USP20: variants seen among roughly 807,000 people sequenced by gnomAD.
USP20 encodes the protein ubiquitin carboxyl-terminal hydrolase 20.
A neutral mutation model predicts 124.2 loss-of-function variants in USP20; 80 were observed. The observed-to-expected ratio is 0.64, with a 90% confidence interval of 0.54 to 0.78. The LOEUF is 0.78. USP20 is among the 30% of genes least tolerant of loss of function. The pLI is 0.00. For synonymous variants in USP20, 481 were observed against 512.3 expected, an observed-to-expected ratio of 0.94 and a Z score of 0.83; for missense variants, 1,043 against 1,244.4, an observed-to-expected ratio of 0.84 and a Z score of 2.44.
chr9:129,875,290 G>GC lies in USP20; in HGVS notation c.2049-15dup. 1 of 1,584,874 alleles carries GC rather than the reference G, an allele frequency of 6.3e-7. No individual in the cohort carries two copies. The highest frequency in any genetic ancestry group is 8.6e-7 in the Non-Finnish European group (1 of 1,163,496). ...TGGCAGCCGTCAGGCACAGCTTCTC[G>GC]CCCCCTCCTCACCCCACAGGAAGAG... is the stretch of plus-strand genomic sequence containing the variant. On this transcript the variant is annotated intron_variant, in intron 19 of 25. Coordinates refer to ENST00000372429, the MANE Select transcript of USP20 (RefSeq NM_001110303.4).
intron 6 of USP20, among the ~76,000 whole-genome samples, chr9:129,860,486 AT>A (rs1484793533): frequency 2.0e-5 from 3 of 152,176 alleles, no homozygotes; most frequent in Non-Finnish European, 4.4e-5. Flanking sequence ...GCAAGTCAAC[AT>A]CTGGACACAG....
chr9:129,861,820 C>T (rs896472959), intron 8 of USP20, among the ~76,000 whole-genome samples: 3 of 152,144 alleles, frequency 2.0e-5, no homozygotes, highest in African/African-American at 4.8e-5. Flanking sequence ...GGAAGTTGTA[C>T]GTGCAAGGAG....
In USP20 at chr9:129,880,509, A is replaced by G. The variant is rs896188243; in HGVS notation, c.*59A>G. The stretch of plus-strand genomic sequence containing the variant: ...CGCGGAAGGCGTGTTTGTGCCCAGA[A>G]GAGAGGCCGGGCTGCTGCAGAACCC... On this transcript the variant is annotated 3_prime_UTR_variant, in exon 26 of 26. Coordinates refer to ENST00000372429, the MANE Select transcript of USP20 (RefSeq NM_001110303.4). The G allele has an allele frequency of 8.2e-5, 47 of 576,050 alleles. No homozygotes were observed. Among genetic ancestry groups the G allele is most frequent in the Middle Eastern group, 9.6e-4 (2 of 2,088 alleles). The allele number at this position is 576,050 out of a possible 1,614,324, so 35.7% of individuals were successfully genotyped here.
rs769993002 is a variant in USP20 at position 129,870,473 on chromosome 9, C to G, written c.1586C>G (p.Pro529Arg). Residue 529 changes from proline (P) to arginine (R), a missense_variant, in exon 15 of 26, where the codon CCC becomes CGC. Transcript: ENST00000372429. Reference sequence around the variant, plus strand: ...TGTAGGTTTGTGGTATCCTGTACCCCCAGCTGGTTTTGGGGGCCTGTCGTC... The same window carrying G: ...TGTAGGTTTGTGGTATCCTGTACCCGCAGCTGGTTTTGGGGGCCTGTCGTC... ...YIRRFVVSCT[P>R]SWFWGPVVTL... The G allele has an allele frequency of 1.9e-6, 3 of 1,614,106 alleles. No individual in the cohort carries two copies. The highest frequency in any genetic ancestry group is 2.5e-6 in the Non-Finnish European group (3 of 1,180,004).
intron 10 of USP20, among the ~76,000 whole-genome samples, chr9:129,867,418 T>A (rs1429539314): frequency 1.3e-5 from 2 of 152,018 alleles, no homozygotes; most frequent in Non-Finnish European, 2.9e-5. Context: ...CATGACCAGG[T>A]CTGTGGGAAG....
chr9:129,871,309 T>TCCTTAGGGTTCATCCAC (rs1775210601), intron 15 of USP20, among the ~76,000 whole-genome samples: 4 of 138,628 alleles, frequency 2.9e-5, no homozygotes, highest in Admixed American at 7.8e-5. Flanking sequence ...GAGCATAACG[T>TCCTTAGGGTTCATCCAC]CCTTAGGGTT....
At chr9:129,850,218 CCTTTTTTTT>C (rs2131046696) in intron 2 of USP20, among the ~76,000 whole-genome samples, 1 of 152,092 alleles carries the variant, frequency 6.6e-6, no homozygotes, top group East Asian at 1.9e-4. Context: ...TTTGTTTTTT[CCTTTTTTTT>C]CTTTATGCTC....
chr9:129,869,537 A>G, intron 13 of USP20, 112 bp downstream of exon 13: 1 of 1,526,496 alleles, frequency 6.6e-7, no homozygotes, highest in Non-Finnish European at 9.0e-7. Flanking sequence ...GCTTTTATCC[A>G]GGGGAGGGCC....
At chr9:129,856,412 C>T (rs755499682) in intron 4 of USP20, 52 bp downstream of exon 4, 3 of 1,585,738 alleles carry the variant, frequency 1.9e-6, no homozygotes, top group Admixed American at 3.3e-5. Context: ...CACCTGTTAT[C>T]AGCACTGCAC....
intron 15 of USP20, 38 bp downstream of exon 15, chr9:129,870,585 G>A (rs768777098): frequency 1.1e-5 from 18 of 1,609,376 alleles, no homozygotes; most frequent in Non-Finnish European, 1.4e-5. Flanking sequence ...GGAGGTGGAG[G>A]GTTGTGGGGA....
At chr9:129,852,321 A>G (rs146419241) in intron 2 of USP20, among the ~76,000 whole-genome samples, 141 of 152,306 alleles carry the variant, frequency 9.3e-4, no homozygotes, top group African/African-American at 3.3e-3. Flanking sequence ...CATTTGACAG[A>G]CATTGTCTCC....
chr9:129,843,402 C>T (rs2032348562), intron 1 of USP20, among the ~76,000 whole-genome samples: 2 of 151,598 alleles, frequency 1.3e-5, no homozygotes, highest in African/African-American at 2.4e-5. Flanking sequence ...TGCAGTCCAG[C>T]CTAGGCAACA....
intron 3 of USP20, among the ~76,000 whole-genome samples, chr9:129,853,268 G>T (rs1344060834): frequency 6.6e-6 from 1 of 151,422 alleles, no homozygotes; most frequent in Non-Finnish European, 1.5e-5. Flanking sequence ...GATGGTATAC[G>T]ATCCTCTCTG....
At chr9:129,875,276 A>T in intron 19 of USP20, 34 bp from the exon 20 acceptor site, 1 of 1,569,202 alleles carries the variant, frequency 6.4e-7, no homozygotes, top group Non-Finnish European at 8.7e-7. Flanking sequence ...GGCAGCCGTC[A>T]GGCACAGCTT....
chr9:129,849,690 A>G (rs1339423938), intron 1 of USP20, 123 bp from the exon 2 acceptor site: 1 of 152,344 alleles, frequency 6.6e-6, no homozygotes, highest in East Asian at 1.9e-4. Flanking sequence ...TTGAGCCTAG[A>G]AGGTCAAGGC....
Position 129,869,443 on chromosome 9 carries a change from G to T in USP20, c.1392+18G>T, listed in dbSNP as rs776172625. 5 of 1,609,244 alleles carry T rather than the reference G, an allele frequency of 3.1e-6. No homozygotes were observed. The highest frequency in any genetic ancestry group is 2.2e-5 in the South Asian group (2 of 90,996). ...GTGACCGGGTGGGTGCCCCAGGGAT[G>T]GGGGGAGCTGGGCCAGGCTGCCAGT... is the stretch of plus-strand genomic sequence containing the variant. On this transcript the variant is annotated intron_variant, in intron 13 of 25. Coordinates refer to ENST00000372429, the MANE Select transcript of USP20 (RefSeq NM_001110303.4).
chr9:129,867,515 A>G (rs10819571), intron 10 of USP20, among the ~76,000 whole-genome samples: 71,071 of 151,774 alleles, frequency 0.47, 16,778 homozygotes, highest in African/African-American at 0.49. Flanking sequence ...GCATGCAGGC[A>G]GTCTGGCCTG....
At chr9:129,856,226 C>T in intron 3 of USP20, 81 bp from the exon 4 acceptor site, 2 of 1,442,838 alleles carry the variant, frequency 1.4e-6, no homozygotes, top group East Asian at 2.3e-5. Flanking sequence ...GTGGGGCCCT[C>T]CAGGCAGGAG....
At chr9:129,841,571 C>T (rs1004702732) in intron 1 of USP20, among the ~76,000 whole-genome samples, 1 of 152,148 alleles carries the variant, frequency 6.6e-6, no homozygotes, top group African/African-American at 2.4e-5. Context: ...GACCCACAAT[C>T]CAGCTTTGTT....
Sources: gnomAD v4.1 joint callset for allele counts (sites outside exome capture counted in the v4.1 genomes callset) on GRCh38, gnomAD v4.1.1 for gene constraint, MANE v1.5 for transcripts, NCBI Gene and HGNC (gene_info 2026-07-23, HGNC 2026-07-21) for gene names.